MAP2: variants seen among roughly 807,000 people sequenced by gnomAD.
MAP2 encodes the protein microtubule associated protein 2, also known as microtubule-associated protein 2.
A neutral mutation model predicts 137.6 loss-of-function variants in MAP2; 14 were observed. The ratio of observed to expected loss-of-function variants is 0.10; its 90% CI spans 0.07 to 0.16. The LOEUF (loss-of-function observed/expected upper bound fraction) is 0.16, where lower values mean the gene tolerates loss of function less well. Ranked by LOEUF, MAP2 falls within the 10% of genes least tolerant of loss-of-function variation. MAP2 has a pLI of 1.00. For missense variants in MAP2, 2,088 were observed against 2,191.5 expected (o/e 0.95, Z 0.94); for synonymous variants, 786 against 782.3 (o/e 1.00, Z -0.08).
intron 2 of MAP2, among the ~76,000 whole-genome samples, chr2:209,550,559 A>G (rs951639570): frequency 1.3e-5 from 2 of 152,158 alleles, no homozygotes; most frequent in African/African-American, 4.8e-5. Context: ...TTGATAATGA[A>G]TATGAAACAA....
intron 3 of MAP2, among the ~76,000 whole-genome samples, chr2:209,582,621 A>T (rs2076690371): frequency 1.3e-5 from 2 of 151,840 alleles, no homozygotes; most frequent in Non-Finnish European, 2.9e-5. Context: ...GTCCATAATG[A>T]GCAACAAAGC....
chr2:209,653,930 G>T (rs982823463), intron 5 of MAP2, among the ~76,000 whole-genome samples: 2 of 152,174 alleles, frequency 1.3e-5, no homozygotes, highest in Admixed American at 1.3e-4. Context: ...CAGTGCATGT[G>T]CAAGAAATGG....
Position 209,694,695 on chromosome 2 carries a change from A to T in MAP2, c.2525A>T (p.Asp842Val). 6.2e-7 allele frequency: 1 copy of T among 1,614,114 alleles called. No homozygotes were observed. Among genetic ancestry groups the T allele is most frequent in the Non-Finnish European group, 8.5e-7 (1 of 1,180,012 alleles). ...GTCCCATCAGAGACTGTGGTTGAGG[A>T]TAGTCGTACTGGCTTGCCCCCGGTA... ...KSVPSETVVE[D>V]SRTGLPPVTD... The change falls in exon 8 of 16, where the codon GAT becomes GTT. Residue 842 changes from aspartate (D) to valine (V), a missense_variant. Around this residue, in one of 6 missense-constraint regions of MAP2, gnomAD observed 500 missense variants for 482.9 expected, o/e 1.04. Coordinates refer to ENST00000682079, the MANE Select transcript of MAP2 (RefSeq NM_001375505.1).
At chr2:209,502,270 A>G (rs1247800855) in intron 1 of MAP2, among the ~76,000 whole-genome samples, 1 of 152,150 alleles carries the variant, frequency 6.6e-6, no homozygotes, top group African/African-American at 2.4e-5. Flanking sequence ...CCCCACCTCC[A>G]GATAACCACC....
chr2:209,621,328 G>A (rs532412305), intron 3 of MAP2, among the ~76,000 whole-genome samples: 30 of 143,094 alleles, frequency 2.1e-4, no homozygotes, highest in African/African-American at 7.4e-4. Flanking sequence ...GCACGATCTC[G>A]GCTCACTGCA....
At chr2:209,453,472 A>G (rs959694502) in intron 1 of MAP2, among the ~76,000 whole-genome samples, 3 of 152,208 alleles carry the variant, frequency 2.0e-5, no homozygotes, top group Non-Finnish European at 4.4e-5. Context: ...TGGAATGTAC[A>G]GTTTTAATAC....
At chr2:209,595,167 T>C (rs1185959222) in intron 3 of MAP2, among the ~76,000 whole-genome samples, 2 of 152,062 alleles carry the variant, frequency 1.3e-5, no homozygotes, top group African/African-American at 4.8e-5. Flanking sequence ...TAATAGACTC[T>C]CAGCTAAGTA....
chr2:209,721,431 G>T (rs1040634263), intron 13 of MAP2, among the ~76,000 whole-genome samples: 3 of 152,192 alleles, frequency 2.0e-5, no homozygotes, highest in African/African-American at 7.2e-5. Flanking sequence ...AGCAGATATA[G>T]GTGGAGAAAG....
chr2:209,593,756 TATAATATATAATATAATATAATACATTA>T (rs2080222413), intron 3 of MAP2, among the ~76,000 whole-genome samples: 3 of 850 alleles, frequency 3.5e-3, no homozygotes, highest in South Asian at 0.5. Flanking sequence ...TTATATTATA[TATAATATATAATATAATATAATACATTA>T]TATTATATTA....
In MAP2 at chr2:209,695,015, G is replaced by A; in HGVS notation, c.2845G>A (p.Glu949Lys). The A allele has an allele frequency of 6.2e-7, 1 of 1,614,130 alleles. No homozygotes were observed. Among genetic ancestry groups the A allele is most frequent in the Non-Finnish European group, 8.5e-7 (1 of 1,180,014 alleles). Residue 949 changes from glutamate (E) to lysine (K), a missense_variant, in exon 8 of 16, where the codon GAG becomes AAG. By Grantham distance (56) the Glu-to-Lys change is moderately conservative. Transcript: ENST00000682079. ...TGGTGACAAATCAGGACTGAGTAAG[G>A]AGTTTGACCAAGAGAAGAAAGCTAA... ...ISGDKSGLSKEFDQEKKANDR... is the reference protein window; with the variant it reads ...ISGDKSGLSKKFDQEKKANDR...
intron 2 of MAP2, among the ~76,000 whole-genome samples, chr2:209,512,607 A>G (rs1346629583): frequency 6.7e-6 from 1 of 148,948 alleles, no homozygotes; most frequent in Non-Finnish European, 1.5e-5. Flanking sequence ...ACACAAACAC[A>G]TATATATATA....
intron 1 of MAP2, among the ~76,000 whole-genome samples, chr2:209,464,175 A>G (rs1703558292): frequency 6.6e-6 from 1 of 152,178 alleles, no homozygotes; most frequent in Admixed American, 6.6e-5. Context: ...AATGATTGAA[A>G]TGGTTCACTA....
intron 1 of MAP2, among the ~76,000 whole-genome samples, chr2:209,468,014 C>G (rs1704580133): frequency 6.6e-6 from 1 of 152,136 alleles, no homozygotes; most frequent in Non-Finnish European, 1.5e-5. Context: ...ACAGGGATCA[C>G]ATTTTACGTC....
rs1171308281 is a variant in MAP2 at position 209,732,537 on chromosome 2, A to G, written c.*2140A>G. 5.3e-5 allele frequency: 8 copies of G among 152,244 alleles called. No individual in the cohort carries two copies. Among genetic ancestry groups the G allele is most frequent in the Admixed American group, 5.2e-4 (8 of 15,288 alleles). The allele number at this position is 152,244 out of a possible 1,614,324, so 9.4% of individuals were successfully genotyped here. The stretch of plus-strand genomic sequence containing the variant: ...TATTCATCAGCTTCCCTTGAAGTGC[A>G]CCAGAAAATAGAAGAAAGGTGTGTG... On this transcript the variant is annotated 3_prime_UTR_variant, in exon 16 of 16. Coordinates refer to ENST00000682079, the MANE Select transcript of MAP2 (RefSeq NM_001375505.1).
At chr2:209,481,858 A>G (rs1002329476) in intron 1 of MAP2, among the ~76,000 whole-genome samples, 2 of 152,194 alleles carry the variant, frequency 1.3e-5, no homozygotes, top group Non-Finnish European at 1.5e-5. Flanking sequence ...TTAGCTCACC[A>G]CGTAGCATAC....
intron 12 of MAP2, among the ~76,000 whole-genome samples, chr2:209,706,943 A>G (rs2063619899): frequency 6.6e-6 from 1 of 152,100 alleles, no homozygotes; most frequent in Admixed American, 6.6e-5. Context: ...AAATCACAAA[A>G]ACTCTTTTAT....
intron 3 of MAP2, among the ~76,000 whole-genome samples, chr2:209,614,307 G>C (rs1249315447): frequency 6.6e-6 from 1 of 152,010 alleles, no homozygotes; most frequent in African/African-American, 2.4e-5. Context: ...AGAAGAACGA[G>C]GAAAACATCT....
At chr2:209,519,468 A>T (rs288053) in intron 2 of MAP2, among the ~76,000 whole-genome samples, 1,711 of 152,164 alleles carry the variant, frequency 0.011, 34 homozygotes, top group African/African-American at 0.039. Flanking sequence ...ACCCTCCCAT[A>T]GGAACTGGGA....
chr2:209,556,324 G>T (rs546781239), intron 2 of MAP2, among the ~76,000 whole-genome samples: 4 of 152,044 alleles, frequency 2.6e-5, no homozygotes, highest in Non-Finnish European at 5.9e-5. Flanking sequence ...GATTGTAGGC[G>T]CGAGCCACTG....
Sources: gnomAD v4.1 joint callset for allele counts (sites outside exome capture counted in the v4.1 genomes callset) on GRCh38, gnomAD v4.1.1 for gene constraint, gnomAD v4.1.1 regional missense constraint, MANE v1.5 for transcripts, NCBI Gene and HGNC (gene_info 2026-07-23, HGNC 2026-07-21) for gene names.